The following TBC1D19 variants were observed in gnomAD, a reference collection of about 807,000 sequenced individuals.
The protein encoded by TBC1D19 is TBC1 domain family, member 19.
In TBC1D19, 60 loss-of-function variants were observed where a neutral mutation model predicts 89.0. That is an observed-to-expected ratio of 0.67 (90% CI 0.55 to 0.84). The LOEUF (loss-of-function observed/expected upper bound fraction) is 0.84, where lower values mean the gene tolerates loss of function less well. Ranked by LOEUF, TBC1D19 falls within the 40% of genes least tolerant of loss-of-function variation. The probability of loss-of-function intolerance (pLI) is 0.00; values close to 1 mark genes in which losing one functional copy is unlikely to be tolerated. For missense variants in TBC1D19, 500 were observed against 610.8 expected, an observed-to-expected ratio of 0.82 and a Z score of 1.91; for synonymous variants, 189 against 199.7, an observed-to-expected ratio of 0.95 and a Z score of 0.45.
At chr4:26,837,574 T>C in the TBC1D19 span, among the ~76,000 whole-genome samples, 1 of 152,222 alleles carries the variant, frequency 6.6e-6, no homozygotes. Flanking sequence ...TTCACATATG[T>C]GATATCATTT....
intron 15 of TBC1D19, among the ~76,000 whole-genome samples, chr4:26,725,626 TAGTCTTG>T (rs1212043940): frequency 6.6e-6 from 1 of 152,050 alleles, no homozygotes; most frequent in African/African-American, 2.4e-5. Context: ...GTTGCCAGGC[TAGTCTTG>T]AACACCTGGT....
upstream of TBC1D19, among the ~76,000 whole-genome samples, chr4:26,581,306 C>T (rs1739058455): frequency 6.6e-6 from 1 of 152,156 alleles, no homozygotes; most frequent in Non-Finnish European, 1.5e-5. Flanking sequence ...TTGCTGCACC[C>T]ATCAACCTGT....
chr4:26,772,689 C>T, the TBC1D19 span, among the ~76,000 whole-genome samples: 1 of 152,098 alleles, frequency 6.6e-6, no homozygotes, highest in Non-Finnish European at 1.5e-5. Flanking sequence ...TTTCATTGTT[C>T]AGCTCCCACT....
At chr4:26,584,023 A>G (rs1456377504), upstream of TBC1D19, 9 of 639,704 alleles carry the variant, frequency 1.4e-5, no homozygotes, top group Non-Finnish European at 2.4e-5. Context: ...CGCTGAGGGG[A>G]CCAGAGAGGG....
intron 18 of TBC1D19, among the ~76,000 whole-genome samples, chr4:26,743,413 T>A (rs77799494): frequency 6.9e-4 from 105 of 152,206 alleles, no homozygotes; most frequent in African/African-American, 2.5e-3. Context: ...TCAAATTCCA[T>A]TTCTGTTAAG....
chr4:26,721,917 C>G (rs1313944273), intron 15 of TBC1D19, among the ~76,000 whole-genome samples: 1 of 152,168 alleles, frequency 6.6e-6, no homozygotes, highest in African/African-American at 2.4e-5. Flanking sequence ...TCATCAAGCT[C>G]AGTTTAGGCA....
the TBC1D19 span, among the ~76,000 whole-genome samples, chr4:26,844,692 C>CT: frequency 1.0e-3 from 158 of 152,234 alleles, no homozygotes; most frequent in Non-Finnish European, 1.6e-3. Context: ...GATACAGTTG[C>CT]TTTTTTTGTG....
the TBC1D19 span, among the ~76,000 whole-genome samples, chr4:26,779,176 T>C: frequency 5.9e-5 from 9 of 152,228 alleles, no homozygotes; most frequent in African/African-American, 2.2e-4. Context: ...TTTCTGCTGC[T>C]CCTAAAAGTT....
chr4:26,585,286 G>A (rs1205339091), intron 1 of TBC1D19: 2 of 378,324 alleles, frequency 5.3e-6, no homozygotes, highest in South Asian at 2.0e-5. Context: ...CAATTGTTTT[G>A]CGTCCTTGAT....
chr4:26,717,877 T>C, intron 13 of TBC1D19, 56 bp from the exon 14 acceptor site: 2 of 1,406,382 alleles, frequency 1.4e-6, no homozygotes, highest in Non-Finnish European at 2.0e-6. Flanking sequence ...AAATAATGAA[T>C]TACCTGGTTT....
the TBC1D19 span, among the ~76,000 whole-genome samples, chr4:26,850,420 C>T: frequency 4.0e-5 from 6 of 151,240 alleles, no homozygotes; most frequent in Non-Finnish European, 7.4e-5. Context: ...TGGTGGCACA[C>T]GCCTGTAGTC....
At chr4:26,685,748 T>C in intron 12 of TBC1D19, among the ~76,000 whole-genome samples, 1 of 152,190 alleles carries the variant, frequency 6.6e-6, no homozygotes, top group Non-Finnish European at 1.5e-5. Flanking sequence ...TACTATTAAG[T>C]TTGAGGTCAA....
chr4:26,825,164 T>A, the TBC1D19 span, among the ~76,000 whole-genome samples: 1 of 152,030 alleles, frequency 6.6e-6, no homozygotes, highest in African/African-American at 2.4e-5. Flanking sequence ...AGTGGCACAG[T>A]CTTGGCTCAC....
At chr4:26,669,447 A>C (rs1712093124) in intron 9 of TBC1D19, among the ~76,000 whole-genome samples, 1 of 151,844 alleles carries the variant, frequency 6.6e-6, no homozygotes, top group African/African-American at 2.4e-5. Context: ...AGATCTATTA[A>C]TATAGGTGCA....
chr4:26,610,122 A>T (rs1249526709), intron 1 of TBC1D19, among the ~76,000 whole-genome samples: 2 of 152,144 alleles, frequency 1.3e-5, no homozygotes. Flanking sequence ...CAAATGAGAA[A>T]GACTTGTCTT....
At chr4:26,804,144 C>CATTT in the TBC1D19 span, among the ~76,000 whole-genome samples, 16 of 151,040 alleles carry the variant, frequency 1.1e-4, no homozygotes, top group African/African-American at 2.4e-4. Flanking sequence ...TTTATTTAAT[C>CATTT]ATTTATTTAT....
At chr4:26,584,434 AAAAC>A (rs1358537952) in intron 1 of TBC1D19, 142 bp downstream of exon 1, 1 of 686,928 alleles carries the variant, frequency 1.5e-6, no homozygotes, top group Non-Finnish European at 2.4e-6. Flanking sequence ...GACAAAAACA[AAAAC>A]AAAAACAAAA....
At chr4:26,691,834 TTTG>T in intron 13 of TBC1D19, among the ~76,000 whole-genome samples, 1 of 152,170 alleles carries the variant, frequency 6.6e-6, no homozygotes, top group Non-Finnish European at 1.5e-5. Context: ...ATAATACTAG[TTTG>T]CCAATAACCT....
the TBC1D19 span, among the ~76,000 whole-genome samples, chr4:26,780,384 A>G: frequency 1.3e-5 from 2 of 152,032 alleles, no homozygotes; most frequent in African/African-American, 4.8e-5. Context: ...GATTCTTGAG[A>G]CTCTTTAATT....
Sources: gnomAD v4.1 joint callset for allele counts (sites outside exome capture counted in the v4.1 genomes callset) on GRCh38, gnomAD v4.1.1 for gene constraint, MANE v1.5 for transcripts, NCBI Gene and HGNC (gene_info 2026-07-23, HGNC 2026-07-21) for gene names.